The following NCOR1 variants were observed in gnomAD, a reference collection of about 807,000 sequenced individuals.
NCOR1 encodes protein phosphatase 1, regulatory subunit 109.
Under a neutral mutation model 288.1 loss-of-function variants are expected in NCOR1, and 63 were observed. The ratio of observed to expected loss-of-function variants is 0.22; its 90% confidence interval spans 0.18 to 0.27. The LOEUF is 0.27. Among genes scored for constraint, NCOR1 ranks in the 10% least tolerant of loss-of-function variants. The pLI is 1.00. For synonymous variants in NCOR1, 1,007 were observed against 1,065.9 expected (o/e 0.94, Z 1.08); for missense variants, 2,397 against 3,019.2 (o/e 0.79, Z 4.83).
chr17:16,073,215 ACTTC>A (rs967136155), intron 28 of NCOR1, among the ~76,000 whole-genome samples: 1 of 152,184 alleles, frequency 6.6e-6, no homozygotes, highest in African/African-American at 2.4e-5. Flanking sequence ...CTTAAATTTG[ACTTC>A]CTTCCATTGT....
intron 27 of NCOR1, among the ~76,000 whole-genome samples, chr17:16,074,715 T>C (rs1181795025): frequency 6.6e-6 from 1 of 152,330 alleles, no homozygotes; most frequent in South Asian, 2.1e-4. Flanking sequence ...TTGGCTAATA[T>C]TTCTATCACA....
In NCOR1 at chr17:16,166,790, C is replaced by T. The variant is rs527369503; in HGVS notation, c.436-1629G>A. Among the ~76,000 whole-genome samples the T allele has an allele frequency of 2.0e-5, 3 of 151,850 alleles. No individual in the cohort carries two copies. In the East Asian group the frequency reaches 5.8e-4, roughly 29 times the overall value. On this transcript the variant is annotated intron_variant, in intron 4 of 45. Transcript: ENST00000268712. The stretch of plus-strand genomic sequence containing the variant: ...AAAAAAAAAATACAAGAAAATTTGT[C>T]TTCACATTGTCTTTTCAATGCTCGA...
chr17:16,205,382 G>A (rs2091363427), intron 1 of NCOR1, among the ~76,000 whole-genome samples: 4 of 152,192 alleles, frequency 2.6e-5, no homozygotes, highest in Admixed American at 2.6e-4. Flanking sequence ...CAGCACTTCG[G>A]GAGGCCGAGG....
At chr17:16,206,639 G>A (rs989635056) in intron 1 of NCOR1, among the ~76,000 whole-genome samples, 2 of 152,168 alleles carry the variant, frequency 1.3e-5, no homozygotes, top group Non-Finnish European at 2.9e-5. Flanking sequence ...ACCTGCCTCG[G>A]CCTCCCAAAG....
intron 31 of NCOR1, among the ~76,000 whole-genome samples, chr17:16,068,696 T>A (rs190615765): frequency 6.6e-6 from 1 of 151,222 alleles, no homozygotes; most frequent in East Asian, 1.9e-4. Context: ...ATTCAAACAC[T>A]TATTAGCCAT....
chr17:16,209,293 T>C lies in NCOR1; in HGVS notation c.-71+6069A>G, dbSNP rs1369866637. ...GAAAGGAGTATTCCAGAAACAAGCA[T>C]AGTAACAAGAAAAAAAAACAAAAAA... On this transcript the variant is annotated intron_variant, in intron 1 of 45. Coordinates refer to ENST00000268712, the MANE Select transcript of NCOR1 (RefSeq NM_006311.4). Among the ~76,000 whole-genome samples the C allele has an allele frequency of 2.6e-5, 4 of 151,530 alleles. No homozygotes were observed. In the East Asian group the frequency reaches 5.8e-4, roughly 22 times the overall value.
chr17:16,096,659 C>T (rs1408966557), intron 21 of NCOR1, among the ~76,000 whole-genome samples: 1 of 152,092 alleles, frequency 6.6e-6, no homozygotes, highest in Non-Finnish European at 1.5e-5. Flanking sequence ...AATCAATCAT[C>T]ACAAGTCATT....
chr17:16,181,785 C>T (rs1191839940), intron 3 of NCOR1, among the ~76,000 whole-genome samples: 1 of 152,090 alleles, frequency 6.6e-6, no homozygotes, highest in Admixed American at 6.6e-5. Context: ...ATGGTCAGTA[C>T]CAACTAGCCT....
Position 16,061,910 on chromosome 17 carries a change from A to T in NCOR1, c.5388-16T>A. The T allele has an allele frequency of 5.6e-6, 9 of 1,592,924 alleles. No individual in the cohort carries two copies. The highest frequency in any genetic ancestry group is 6.0e-6 in the Non-Finnish European group (7 of 1,169,780). On this transcript the variant is annotated splice_polypyrimidine_tract_variant and intron_variant, in intron 36 of 45. Transcript: ENST00000268712. ...AGGCAGTGGCCTGTAAATAAAACCA[A>T]ATCACAGCTCTGTGAAGGGAAGACC... is the stretch of plus-strand genomic sequence containing the variant.
rs984411549 is a variant in NCOR1 at position 16,039,487 on chromosome 17, C to A, written c.6901G>T (p.Val2301Phe). The A allele has an allele frequency of 3.1e-6, 5 of 1,613,962 alleles. No homozygotes were observed. Among genetic ancestry groups the A allele is most frequent in the Non-Finnish European group, 4.2e-6 (5 of 1,180,028 alleles). Residue 2301 changes from valine to phenylalanine, a missense_variant, in exon 44 of 46, where the codon GTT becomes TTT. This residue lies in a region of NCOR1 where 1,872 missense variants were observed against 2,187.8 expected (regional missense o/e 0.86). Transcript: ENST00000268712. ...GVVPGTANTSVVTSGETRREE... is the reference protein window; with the variant it reads ...GVVPGTANTSFVTSGETRREE... ...CTTCGTGTCTCACCACTGGTCACAA[C>A]TGAGGTGTTGGCAGTACCAGGCACT...
At chr17:16,199,654 G>T (rs1212469437) in intron 1 of NCOR1, among the ~76,000 whole-genome samples, 1 of 152,128 alleles carries the variant, frequency 6.6e-6, no homozygotes, top group African/African-American at 2.4e-5. Flanking sequence ...GAAGGGGAAG[G>T]GAGCACCTTA....
Position 16,057,628 on chromosome 17 carries a change from A to T in NCOR1, c.6278T>A (p.Val2093Glu), listed in dbSNP as rs1420635867. 6.2e-7 allele frequency: 1 copy of T among 1,614,028 alleles called. No homozygotes were observed. Among genetic ancestry groups the T allele is most frequent in the African/African-American group, 1.3e-5 (1 of 74,912 alleles). Residue 2093 changes from valine (V) to glutamate (E), a missense_variant, in exon 40 of 46, where the codon GTG (valine) becomes GAG (glutamate). This residue lies in a region of NCOR1 where 1,872 missense variants were observed against 2,187.8 expected (regional missense o/e 0.86). Coordinates refer to ENST00000268712, the MANE Select transcript of NCOR1 (RefSeq NM_006311.4). ...NSPSALVSTP[V>E]RTKTSNRYSP... is the part of the protein sequence containing the mutation. ...GTAACGGTTTGATGTTTTAGTCCTC[A>T]CAGGTGTAGATACCAAAGCAGAAGG...
At chr17:16,208,864 G>C (rs954751119) in intron 1 of NCOR1, among the ~76,000 whole-genome samples, 1 of 152,134 alleles carries the variant, frequency 6.6e-6, no homozygotes, top group Middle Eastern at 3.4e-3. Context: ...GAAATATTTT[G>C]ATAATTTACT....
chr17:16,101,550 T>C lies in NCOR1; in HGVS notation c.2390A>G (p.Asp797Gly). ...AGCACTGTGCTCCTGCTGATCTACA[T>C]CCATCTGCTCTGCTGTCTCAGCACT... ...SISAETAEQM[D>G]VDQQEHSAEE... The change falls in exon 20 of 46, where the codon GAT becomes GGT. Residue 797 changes from aspartate to glycine, a missense_variant. Asp to Gly is a moderately conservative substitution (Grantham distance 94). Transcript: ENST00000268712. 1 of 1,614,158 alleles carries C rather than the reference T, an allele frequency of 6.2e-7. No individual in the cohort carries two copies. The highest frequency in any genetic ancestry group is 8.5e-7 in the Non-Finnish European group (1 of 1,180,002).
chr17:16,194,522 T>C lies in NCOR1; in HGVS notation c.48A>G (p.Glu16=), dbSNP rs1438746120. 1.2e-5 allele frequency: 19 copies of C among 1,610,918 alleles called. No homozygotes were observed. Among genetic ancestry groups the C allele is most frequent in the Non-Finnish European group, 1.6e-5 (19 of 1,178,594 alleles). ...YPPNQGAFST[E]QSRYPPHSVQ... ...CAGAGTGAGGAGGATAACGACTTTG[T>C]TCTGTGCTGAATGCTCCTTGGTTGG... The change falls in exon 2 of 46, where the codon GAA becomes GAG. Residue 16 remains glutamate, a synonymous_variant. Transcript: ENST00000268712.
At chr17:16,099,879 A>C (rs1356501589) in intron 20 of NCOR1, among the ~76,000 whole-genome samples, 2 of 152,202 alleles carry the variant, frequency 1.3e-5, no homozygotes, top group Non-Finnish European at 2.9e-5. Flanking sequence ...AGCATCTACT[A>C]TATAAAACAC....
chr17:16,097,000 C>G (rs533914412), intron 21 of NCOR1, among the ~76,000 whole-genome samples: 2 of 152,174 alleles, frequency 1.3e-5, no homozygotes, highest in Admixed American at 6.5e-5. Context: ...GGACATTATG[C>G]TGAGTGAAAT....
chr17:16,098,520 G>A (rs2152976292), intron 20 of NCOR1, 24 bp from the exon 21 acceptor site: 2 of 1,591,118 alleles, frequency 1.3e-6, no homozygotes, highest in Non-Finnish European at 8.6e-7. Flanking sequence ...TTAAAAAAAA[G>A]ATAAATGAAT....
At chr17:16,065,343 TA>T in intron 33 of NCOR1, 141 bp downstream of exon 33, 2 of 983,622 alleles carry the variant, frequency 2.0e-6, no homozygotes, top group Non-Finnish European at 1.5e-6. Flanking sequence ...GTCTCTGGGC[TA>T]AAAAGTCTAC....
Sources: gnomAD v4.1 joint callset for allele counts (sites outside exome capture counted in the v4.1 genomes callset) on GRCh38, gnomAD v4.1.1 for gene constraint, gnomAD v4.1.1 regional missense constraint, MANE v1.5 for transcripts, NCBI Gene and HGNC (gene_info 2026-07-23, HGNC 2026-07-21) for gene names.